The following AOPEP variants were observed in gnomAD, a reference collection of about 807,000 sequenced individuals.
The protein encoded by AOPEP is aminopeptidase O (putative).
AOPEP carries 77 observed loss-of-function variants against 98.1 expected under a neutral mutation model. The ratio of observed to expected loss-of-function variants is 0.78; its 90% CI spans 0.65 to 0.95. The LOEUF is 0.95. AOPEP is among the 40% of genes least tolerant of loss of function. The pLI is 0.00. For synonymous variants in AOPEP, 346 were observed against 365.3 expected (o/e 0.95, Z 0.60); for missense variants, 1,024 against 1,024.7 (o/e 1.00, Z 0.01).
the AOPEP span, chr9:95,101,451 G>C: frequency 1.8e-6 from 1 of 546,528 alleles, no homozygotes. Flanking sequence ...TGACGGTCTG[G>C]CCGGGCGGGC....
chr9:94,949,955 C>CTGA (rs1003299083), intron 7 of AOPEP, among the ~76,000 whole-genome samples: 2 of 152,114 alleles, frequency 1.3e-5, no homozygotes, highest in African/African-American at 4.8e-5. Flanking sequence ...TATTTATTTT[C>CTGA]TGATGATGAT....
chr9:95,079,076 C>A (rs1403117642), intron 14 of AOPEP, among the ~76,000 whole-genome samples: 1 of 152,230 alleles, frequency 6.6e-6, no homozygotes, highest in Non-Finnish European at 1.5e-5. Flanking sequence ...CTATCAGCCC[C>A]TCCCAGAGGC....
chr9:95,032,435 A>C (rs1564548445), intron 13 of AOPEP, among the ~76,000 whole-genome samples: 1 of 152,272 alleles, frequency 6.6e-6, no homozygotes, highest in Non-Finnish European at 1.5e-5. Flanking sequence ...TTATCTGTTA[A>C]GTAAACTCTG....
At chr9:94,763,047 C>T (rs1838737250) in intron 2 of AOPEP, 2 of 382,202 alleles carry the variant, frequency 5.2e-6, no homozygotes, top group Admixed American at 3.7e-5. Context: ...ATATTTGTTC[C>T]TGAATTGCAG....
intron 11 of AOPEP, among the ~76,000 whole-genome samples, chr9:94,986,101 A>T (rs1356983971): frequency 6.6e-6 from 1 of 152,124 alleles, no homozygotes; most frequent in Non-Finnish European, 1.5e-5. Context: ...TTTTCCTCAC[A>T]GTTCTGGAGG....
At chr9:94,900,984 T>C (rs1308401660) in intron 5 of AOPEP, 1 of 152,224 alleles carries the variant, frequency 6.6e-6, no homozygotes, top group Non-Finnish European at 1.5e-5. Context: ...GCCCACTTTC[T>C]CTCAGACCCT....
the AOPEP span, chr9:95,149,882 G>A: frequency 6.4e-7 from 1 of 1,561,918 alleles, no homozygotes. Context: ...TCTAAGAAAA[G>A]GAAAAACGAC....
intron 1 of AOPEP, among the ~76,000 whole-genome samples, chr9:94,748,572 A>G (rs1992487): frequency 0.065 from 9,947 of 152,208 alleles, 1,072 homozygotes; most frequent in African/African-American, 0.23. Flanking sequence ...GCCCTGGCAT[A>G]ATGCTTTTAT....
At chr9:94,946,711 T>A (rs1201127779) in intron 7 of AOPEP, among the ~76,000 whole-genome samples, 3 of 152,206 alleles carry the variant, frequency 2.0e-5, no homozygotes, top group African/African-American at 7.2e-5. Context: ...AGGTCACTTT[T>A]TTGGGTGAAT....
chr9:95,132,990 T>A, the AOPEP span, among the ~76,000 whole-genome samples: 7 of 152,218 alleles, frequency 4.6e-5, no homozygotes, highest in Non-Finnish European at 8.8e-5. Context: ...AGAATCCAAC[T>A]CTAATGTAAT....
At chr9:95,001,838 T>C (rs1207928996) in intron 11 of AOPEP, among the ~76,000 whole-genome samples, 1 of 152,126 alleles carries the variant, frequency 6.6e-6, no homozygotes, top group African/African-American at 2.4e-5. Flanking sequence ...AGTGCAGTGG[T>C]GCCATCATGG....
the AOPEP span, chr9:95,111,660 G>A: frequency 9.0e-5 from 145 of 1,613,872 alleles, no homozygotes; most frequent in African/African-American, 1.6e-3. Context: ...CAGAACACAT[G>A]GCAGTTGACA....
chr9:94,834,879 T>TA (rs1201986772), intron 5 of AOPEP, among the ~76,000 whole-genome samples: 1 of 152,194 alleles, frequency 6.6e-6, no homozygotes, highest in East Asian at 1.9e-4. Flanking sequence ...AAAGATTTTT[T>TA]ATCTTTTAGA....
At chr9:94,838,029 G>A (rs77963314) in intron 5 of AOPEP, among the ~76,000 whole-genome samples, 4 of 150,498 alleles carry the variant, frequency 2.7e-5, no homozygotes, top group African/African-American at 9.8e-5. Flanking sequence ...TTTTTTTTTT[G>A]ACGGAGTCTT....
At chr9:94,919,555 G>A (rs1316461860) in intron 5 of AOPEP, among the ~76,000 whole-genome samples, 5 of 152,138 alleles carry the variant, frequency 3.3e-5, no homozygotes, top group Non-Finnish European at 2.9e-5. Flanking sequence ...AAGGGATTTC[G>A]TTTAGAAGAA....
intron 5 of AOPEP, among the ~76,000 whole-genome samples, chr9:94,829,212 A>G (rs978005631): frequency 3.3e-5 from 5 of 151,870 alleles, no homozygotes; most frequent in Non-Finnish European, 7.4e-5. Flanking sequence ...ACACACACAC[A>G]CGCACACGCA....
Position 95,012,996 on chromosome 9 carries a change from G to A in AOPEP, c.2115+7380G>A, listed in dbSNP as rs572973465. ...TTTCCTGTTTTTTTTTTGGGGGGGG[G>A]GGCAGGGCGATTATCTCTTATCTTT... On this transcript the variant is annotated intron_variant, in intron 13 of 16. Transcript: ENST00000375315. 2.3e-5 allele frequency among the ~76,000 whole-genome samples: 3 copies of A among 132,738 alleles called. No homozygotes were observed. The East Asian group carries it at 7.3e-4, about 32-fold the overall frequency. 87.1% of individuals were successfully genotyped at this position (132,738 alleles called of 152,430 possible).
intron 5 of AOPEP, among the ~76,000 whole-genome samples, chr9:94,892,739 G>C (rs555051683): frequency 1.6e-4 from 24 of 152,202 alleles, no homozygotes; most frequent in African/African-American, 5.5e-4. Flanking sequence ...AAAGAGGGAG[G>C]GTCTTGCTCT....
chr9:94,808,907 T>C (rs1564174056), intron 5 of AOPEP, among the ~76,000 whole-genome samples: 1 of 152,230 alleles, frequency 6.6e-6, no homozygotes, highest in East Asian at 1.9e-4. Flanking sequence ...AAAGGACATC[T>C]TGAGGACCTA....
Sources: allele counts gnomAD v4.1 joint callset (sites outside exome capture counted in the v4.1 genomes callset), GRCh38; gene constraint gnomAD v4.1.1; transcripts MANE v1.5; gene names NCBI Gene and HGNC (gene_info 2026-07-23, HGNC 2026-07-21).